The following F11R variants were observed in gnomAD, a reference collection of about 807,000 sequenced individuals.
F11R encodes the protein F11 receptor.
Under a neutral mutation model 39.3 loss-of-function variants are expected in F11R, and 27 were observed. The observed-to-expected ratio is 0.69, with a 90% CI of 0.51 to 0.95. The LOEUF (loss-of-function observed/expected upper bound fraction) is 0.95, where lower values mean the gene tolerates loss of function less well. Ranked by LOEUF, F11R falls within the 40% of genes least tolerant of loss-of-function variation. The probability of loss-of-function intolerance (pLI) is 0.00; values close to 1 mark genes in which losing one functional copy is unlikely to be tolerated. For synonymous variants in F11R, 131 were observed against 144.9 expected (o/e 0.90, Z 0.69); for missense variants, 335 against 372.7 (o/e 0.90, Z 0.83).
At chr1:161,015,917 A>G (rs1402282544) in intron 1 of F11R, among the ~76,000 whole-genome samples, 2 of 152,164 alleles carry the variant, frequency 1.3e-5, no homozygotes, top group African/African-American at 4.8e-5. Context: ...AAACCATGTC[A>G]ATTAACCTAT....
chr1:161,001,147 G>T lies in F11R; in HGVS notation c.134-20C>A. On this transcript the variant is annotated intron_variant, in intron 2 of 9. Coordinates refer to ENST00000368026, the MANE Select transcript of F11R (RefSeq NM_016946.6). ...TCACAGCTGCAGACAGGGTCAAAAT[G>T]AGCCGAAGGAAGAAGCAGCAGCAAA... 1 of 1,611,132 alleles carries T rather than the reference G, an allele frequency of 6.2e-7. No individual in the cohort carries two copies. Among genetic ancestry groups the T allele is most frequent in the South Asian group, 1.1e-5 (1 of 90,994 alleles).
chr1:161,020,413 T>A (rs1243521970), intron 1 of F11R, among the ~76,000 whole-genome samples: 1 of 152,180 alleles, frequency 6.6e-6, no homozygotes, highest in Admixed American at 6.5e-5. Flanking sequence ...TAGAGAAATT[T>A]CAGGTTTCTA....
intron 1 of F11R, among the ~76,000 whole-genome samples, chr1:161,015,178 C>T (rs1164599116): frequency 1.3e-5 from 2 of 151,560 alleles, no homozygotes; most frequent in Non-Finnish European, 2.9e-5. Flanking sequence ...AGGCAGATCA[C>T]GAGGTCAGCA....
At chr1:161,010,410 C>T (rs549322123) in intron 1 of F11R, among the ~76,000 whole-genome samples, 1 of 120,518 alleles carries the variant, frequency 8.3e-6, no homozygotes, top group East Asian at 2.7e-4. Flanking sequence ...AGCCACTGCA[C>T]TCCAGCCTGG....
At chr1:161,003,370 G>A (rs1225545413) in intron 1 of F11R, among the ~76,000 whole-genome samples, 3 of 151,824 alleles carry the variant, frequency 2.0e-5, no homozygotes, top group Non-Finnish European at 2.9e-5. Context: ...TGATCCGCCC[G>A]CCTCAGCCTC....
At chr1:161,014,961 C>T (rs1045328720) in intron 1 of F11R, among the ~76,000 whole-genome samples, 1 of 151,196 alleles carries the variant, frequency 6.6e-6, no homozygotes, top group Non-Finnish European at 1.5e-5. Context: ...GCCTGTAGTC[C>T]CAGCTACTTG....
At chr1:161,014,343 T>G (rs1420075783) in intron 1 of F11R, among the ~76,000 whole-genome samples, 1 of 152,118 alleles carries the variant, frequency 6.6e-6, no homozygotes, top group Non-Finnish European at 1.5e-5. Context: ...ACAGAACAAG[T>G]GCAAATTGAA....
Position 160,998,625 on chromosome 1 carries a change from A to G in F11R, c.*246T>C. On this transcript the variant is annotated 3_prime_UTR_variant, in exon 10 of 10. Coordinates refer to ENST00000368026, the MANE Select transcript of F11R (RefSeq NM_016946.6). ...CCAGGATTCCTTCCTGATCCCTCAA[A>G]GAAATGGGGAATAAACACTTTAAAC... 1.7e-6 allele frequency: 1 copy of G among 590,224 alleles called. No individual in the cohort carries two copies. The highest frequency in any genetic ancestry group is 2.8e-5 in the East Asian group (1 of 35,892). 36.6% of individuals were successfully genotyped at this position (590,224 alleles called of 1,614,324 possible). A position where few individuals can be genotyped will look rare whatever the true frequency, so the allele number is the denominator to read the frequency against.
At chr1:161,013,879 T>C (rs2481082) in intron 1 of F11R, among the ~76,000 whole-genome samples, 1 of 152,144 alleles carries the variant, frequency 6.6e-6, no homozygotes. Flanking sequence ...GGTCGAGCCT[T>C]CCAGCGCAGG....
At chr1:161,005,504 TG>T (rs1648752440) in intron 1 of F11R, among the ~76,000 whole-genome samples, 1 of 152,054 alleles carries the variant, frequency 6.6e-6, no homozygotes, top group Non-Finnish European at 1.5e-5. Flanking sequence ...CCTGAGTAGC[TG>T]GGATTACAAG....
chr1:161,003,014 C>T (rs956290870), intron 1 of F11R, among the ~76,000 whole-genome samples: 11 of 149,434 alleles, frequency 7.4e-5, no homozygotes, highest in South Asian at 2.1e-4. Flanking sequence ...AGTGCAATGG[C>T]GCTATCTCAG....
At position 160,998,747 on chromosome 1, in the gene F11R, T is replaced by C. The variant is rs937918399; in HGVS notation, c.*124A>G. 2.5e-5 allele frequency: 22 copies of C among 870,770 alleles called. No homozygotes were observed. The highest frequency in any genetic ancestry group is 3.4e-5 in the Non-Finnish European group (18 of 533,226). 53.9% of individuals were successfully genotyped at this position (870,770 alleles called of 1,614,324 possible). A position where few individuals can be genotyped will look rare whatever the true frequency, so the allele number is the denominator to read the frequency against. On this transcript the variant is annotated 3_prime_UTR_variant, in exon 10 of 10. Coordinates refer to ENST00000368026, the MANE Select transcript of F11R (RefSeq NM_016946.6). ...ATTATTAAAAACACATCCGAAGAAG[T>C]AGGGGGCCCTGTGGGGTGTAGAAGA...
chr1:161,021,098 G>GC lies in F11R; in HGVS notation c.-26dup, dbSNP rs752426424. On this transcript the variant is annotated 5_prime_UTR_variant, in exon 1 of 10. Transcript: ENST00000368026. ...TCGCGATCAGGCTCCCGACACAACAGCCGCCGAAGGACTCCTGGGAACAGA... is the reference window on the plus strand; with the variant it reads ...TCGCGATCAGGCTCCCGACACAACAGCCCGCCGAAGGACTCCTGGGAACAGA... The GC allele has an allele frequency of 4.1e-5, 65 of 1,603,870 alleles. No individual in the cohort carries two copies. The highest frequency in any genetic ancestry group is 5.4e-5 in the Non-Finnish European group (63 of 1,171,690).
intron 1 of F11R, among the ~76,000 whole-genome samples, chr1:161,011,064 G>A (rs1462665664): frequency 2.0e-5 from 3 of 149,558 alleles, no homozygotes; most frequent in African/African-American, 4.9e-5. Context: ...ACTGAGTCTT[G>A]CTCTGTCGCC....
chr1:161,010,321 G>A (rs577662126), intron 1 of F11R, among the ~76,000 whole-genome samples: 3 of 151,330 alleles, frequency 2.0e-5, no homozygotes, highest in African/African-American at 7.3e-5. Context: ...GCAGGCGCCT[G>A]TAATCCCAGC....
Position 160,996,962 on chromosome 1 carries a change from G to C in F11R, c.*1909C>G, listed in dbSNP as rs915368999. 3 of 152,244 alleles carry C rather than the reference G, an allele frequency of 2.0e-5. No homozygotes were observed. The highest frequency in any genetic ancestry group is 7.2e-5 in the African/African-American group (3 of 41,414). The allele number at this position is 152,244 out of a possible 1,614,324, so 9.4% of individuals were successfully genotyped here. On this transcript the variant is annotated 3_prime_UTR_variant, in exon 10 of 10. Transcript: ENST00000368026. ...GATCCTTAATAGAAAACTCAATTCT[G>C]TTAGGGATTTCCAAATAGGATAGGG...
rs1206785089 is a variant in F11R at position 160,996,817 on chromosome 1, A to G, written c.*2054T>C. ...AAAACAACAAACTCATCTTTACTGAACCATTTCATAAGCTCTACTTTATTT... is the reference window on the plus strand; with the variant it reads ...AAAACAACAAACTCATCTTTACTGAGCCATTTCATAAGCTCTACTTTATTT... On this transcript the variant is annotated 3_prime_UTR_variant, in exon 10 of 10. Transcript: ENST00000368026. 1.3e-5 allele frequency: 2 copies of G among 152,440 alleles called. No homozygotes were observed. The highest frequency in any genetic ancestry group is 3.8e-4 in the East Asian group (2 of 5,312). The allele number at this position is 152,440 out of a possible 1,614,324, so 9.4% of individuals were successfully genotyped here.
At chr1:161,000,888 G>A (rs1648440880) in intron 3 of F11R, 111 bp from the exon 4 acceptor site, 1 of 1,499,748 alleles carries the variant, frequency 6.7e-7, no homozygotes, top group Non-Finnish European at 9.2e-7. Flanking sequence ...CCAGAAAGGG[G>A]GGTAGGAAGG....
Position 160,995,866 on chromosome 1 carries a change from C to A in F11R, c.*3005G>T, listed in dbSNP as rs144674867. 6.6e-6 allele frequency: 1 copy of A among 152,058 alleles called. No individual in the cohort carries two copies. Among genetic ancestry groups the A allele is most frequent in the African/African-American group, 2.4e-5 (1 of 41,334 alleles). 9.4% of individuals were successfully genotyped at this position (152,058 alleles called of 1,614,324 possible). Reference sequence around the variant, plus strand: ...GTATACTTTGAAGAAAATAAAAAAACGACAGGAACAACAAACACATCCTTA... The same window carrying A: ...GTATACTTTGAAGAAAATAAAAAAAAGACAGGAACAACAAACACATCCTTA... On this transcript the variant is annotated 3_prime_UTR_variant, in exon 10 of 10. Coordinates refer to ENST00000368026, the MANE Select transcript of F11R (RefSeq NM_016946.6).
Sources: gnomAD v4.1 joint callset for allele counts (sites outside exome capture counted in the v4.1 genomes callset) on GRCh38, gnomAD v4.1.1 for gene constraint, MANE v1.5 for transcripts, NCBI Gene and HGNC (gene_info 2026-07-23, HGNC 2026-07-21) for gene names.